The following INA variants were observed in gnomAD, a reference collection of about 807,000 sequenced individuals.
INA encodes internexin neuronal intermediate filament protein alpha.
INA carries 35 observed loss-of-function variants against 40.1 expected under a neutral mutation model. The ratio of observed to expected loss-of-function variants is 0.87; its 90% CI spans 0.67 to 1.16. INA has a LOEUF of 1.16. Ranked by LOEUF, INA falls within the 50% of genes most tolerant of loss-of-function variation. The pLI, the probability that INA is intolerant of heterozygous loss-of-function variation, is 0.00. For missense variants in INA, 594 were observed against 686.7 expected (o/e 0.87, Z 1.51); for synonymous variants, 290 against 316.9 (o/e 0.92, Z 0.90).
In INA at chr10:103,288,345, C is replaced by CT; in HGVS notation, c.1191-14dup. The stretch of plus-strand genomic sequence containing the variant: ...TTATTGACTTCCTAAGAGTTTTTCT[C>CT]TGTTGAATTTACAGGAAACTGCTGG... On this transcript the variant is annotated splice_polypyrimidine_tract_variant and intron_variant, in intron 2 of 2. Transcript: ENST00000369849. 6.3e-7 allele frequency: 1 copy of CT among 1,575,340 alleles called. No homozygotes were observed. Among genetic ancestry groups the CT allele is most frequent in the South Asian group, 1.2e-5 (1 of 85,838 alleles).
In INA at chr10:103,278,557, C is replaced by T. The variant is rs1182368431; in HGVS notation, c.1065+281C>T. ...CTCTGCCTGTCTGTCAGCAAGCGGG[C>T]CTACACACACCGGCGACCCGGAGAA... On this transcript the variant is annotated intron_variant, in intron 1 of 2. Transcript: ENST00000369849. The surrounding 1 kb of genome is among the most constrained non-coding windows in gnomAD (Gnocchi z 4.9). Among the ~76,000 whole-genome samples the T allele has an allele frequency of 6.6e-6, 1 of 152,188 alleles. No homozygotes were observed. The highest frequency in any genetic ancestry group is 1.5e-5 in the Non-Finnish European group (1 of 68,038).
Position 103,277,442 on chromosome 10 carries a change from G to C in INA, c.231G>C (p.Leu77=), listed in dbSNP as rs201476129. The change falls in exon 1 of 3, where the codon CTG becomes CTC. Residue 77 remains leucine, a synonymous_variant. Transcript: ENST00000369849. The surrounding 1 kb of genome is among the most constrained non-coding windows in gnomAD (Gnocchi z 5.6). ...RRPPASDGLD[L]SQAAARTNEY... is the part of the protein sequence containing the mutation. ...CGCCGGCGTCCGACGGGCTGGACCT[G>C]AGCCAGGCGGCGGCGCGCACCAACG... 2.5e-6 allele frequency: 4 copies of C among 1,573,310 alleles called. No individual in the cohort carries two copies. The highest frequency in any genetic ancestry group is 3.4e-6 in the Non-Finnish European group (4 of 1,164,082).
intron 1 of INA, among the ~76,000 whole-genome samples, chr10:103,284,644 C>G (rs2093080970): frequency 6.6e-6 from 1 of 151,834 alleles, no homozygotes; most frequent in Non-Finnish European, 1.5e-5. Flanking sequence ...ATCCCAGCTA[C>G]TCAGGAGGCT....
chr10:103,286,421 T>C (rs188660740), intron 1 of INA, among the ~76,000 whole-genome samples: 10 of 151,490 alleles, frequency 6.6e-5, no homozygotes, highest in African/African-American at 1.9e-4. Context: ...TTCTCTTCCA[T>C]GCCTCGGTGT....
intron 1 of INA, among the ~76,000 whole-genome samples, chr10:103,282,196 A>G (rs1215337494): frequency 2.0e-5 from 3 of 152,250 alleles, no homozygotes; most frequent in South Asian, 2.1e-4. Context: ...AATCTGCAAC[A>G]TAGAAGTTCA....
intron 1 of INA, among the ~76,000 whole-genome samples, chr10:103,279,216 A>T (rs1277182085): frequency 6.6e-6 from 1 of 152,232 alleles, no homozygotes; most frequent in African/African-American, 2.4e-5. Context: ...TTAGCACTAA[A>T]CAAAAAACAC....
Position 103,290,218 on chromosome 10 carries a change from A to G in INA, c.*1549A>G, listed in dbSNP as rs963689604. Reference sequence around the variant, plus strand: ...TTACTGAACTTTCTTATCCTAGCACATGCTTCAATAGTTCAAGGAACTTGA... The same window carrying G: ...TTACTGAACTTTCTTATCCTAGCACGTGCTTCAATAGTTCAAGGAACTTGA... On this transcript the variant is annotated 3_prime_UTR_variant, in exon 3 of 3. Transcript: ENST00000369849. 1.3e-5 allele frequency: 2 copies of G among 152,630 alleles called. No homozygotes were observed. Among genetic ancestry groups the G allele is most frequent in the Non-Finnish European group, 2.9e-5 (2 of 68,042 alleles). The allele number at this position is 152,630 out of a possible 1,614,324, so 9.5% of individuals were successfully genotyped here.
rs1327506640 is a variant in INA, at chr10:103,289,452, CTT to C, written c.*785_*786del. ...TAAAATAATGCAAAGAATCCCTAGACTTTAGGCTTTCAGCTTACACAAATCTA... is the reference window on the plus strand; with the variant it reads ...TAAAATAATGCAAAGAATCCCTAGACTAGGCTTTCAGCTTACACAAATCTA... On this transcript the variant is annotated 3_prime_UTR_variant, in exon 3 of 3. Transcript: ENST00000369849. 2.0e-5 allele frequency: 3 copies of C among 152,602 alleles called. No individual in the cohort carries two copies. The highest frequency in any genetic ancestry group is 6.5e-5 in the Admixed American group (1 of 15,272). The allele number at this position is 152,602 out of a possible 1,614,324, so 9.5% of individuals were successfully genotyped here.
intron 1 of INA, among the ~76,000 whole-genome samples, chr10:103,286,490 A>G (rs1166566844): frequency 1.3e-5 from 2 of 152,108 alleles, no homozygotes; most frequent in South Asian, 2.1e-4. Context: ...AAATGCTCTC[A>G]GTAAAGTGAC....
rs750763765 is a variant in INA at position 103,288,532 on chromosome 10, G to C, written c.1363G>C (p.Ala455Pro). The part of the protein sequence containing the change: ...SLKKEEEEEE[A>P]SKVASKKTSQ... Reference sequence around the variant, plus strand: ...TAAGAAAGAGGAGGAGGAGGAGGAGGCATCTAAGGTAGCCTCTAAGAAAAC... The same window carrying C: ...TAAGAAAGAGGAGGAGGAGGAGGAGCCATCTAAGGTAGCCTCTAAGAAAAC... The change falls in exon 3 of 3, where the codon GCA (alanine) becomes CCA (proline). Residue 455 changes from alanine to proline, a missense_variant. This residue lies in a region of INA where 379 missense variants were observed against 496.1 expected (regional missense o/e 0.76). Coordinates refer to ENST00000369849, the MANE Select transcript of INA (RefSeq NM_032727.4). The C allele has an allele frequency of 3.7e-6, 6 of 1,613,644 alleles. No individual in the cohort carries two copies. In the African/African-American group the frequency reaches 8.0e-5, roughly 22 times the overall value.
At chr10:103,281,280 T>G (rs1049443375) in intron 1 of INA, among the ~76,000 whole-genome samples, 1 of 152,194 alleles carries the variant, frequency 6.6e-6, no homozygotes, top group South Asian at 2.1e-4. Flanking sequence ...GCTACCATGA[T>G]AGCATCTTTA....
Position 103,277,504 on chromosome 10 carries a change from T to G in INA, c.293T>G (p.Leu98Arg). The G allele has an allele frequency of 6.3e-7, 1 of 1,589,048 alleles. No homozygotes were observed. Among genetic ancestry groups the G allele is most frequent in the Non-Finnish European group, 8.5e-7 (1 of 1,171,086 alleles). The part of the protein sequence containing the change: ...KIIRTNEKEQ[L>R]QGLNDRFAVF... The stretch of plus-strand genomic sequence containing the variant: ...ATCCGCACCAACGAGAAGGAGCAGC[T>G]GCAGGGCCTCAACGACCGCTTCGCC... Residue 98 changes from leucine (L) to arginine (R), a missense_variant, in exon 1 of 3, where the codon CTG becomes CGG. Leu to Arg is a moderately radical substitution (Grantham distance 102, BLOSUM62 -2). Transcript: ENST00000369849. The surrounding 1 kb of genome is among the most constrained non-coding windows in gnomAD (Gnocchi z 5.6).
intron 1 of INA, among the ~76,000 whole-genome samples, chr10:103,281,081 TAATTA>T (rs1007610470): frequency 1.3e-5 from 2 of 152,176 alleles, no homozygotes; most frequent in African/African-American, 4.8e-5. Flanking sequence ...GAGTACAGCC[TAATTA>T]AATAGCAGGA....
intron 1 of INA, among the ~76,000 whole-genome samples, chr10:103,285,706 C>G (rs914647310): frequency 6.6e-6 from 1 of 151,304 alleles, no homozygotes; most frequent in East Asian, 1.9e-4. Flanking sequence ...CAACCTCCCC[C>G]TCCTGGGTTC....
chr10:103,288,758 C>T lies in INA; in HGVS notation c.*89C>T, dbSNP rs2093092748. 1.3e-6 allele frequency: 1 copy of T among 789,756 alleles called. No individual in the cohort carries two copies. Among genetic ancestry groups the T allele is most frequent in the Non-Finnish European group, 2.0e-6 (1 of 495,046 alleles). The allele number at this position is 789,756 out of a possible 1,614,324, so 48.9% of individuals were successfully genotyped here. On this transcript the variant is annotated 3_prime_UTR_variant, in exon 3 of 3. Transcript: ENST00000369849. ...CCTATTCCTGAACTATAACACCTGCCACCACTATAAAATGTCTTCAAGGCT... is the reference window on the plus strand; with the variant it reads ...CCTATTCCTGAACTATAACACCTGCTACCACTATAAAATGTCTTCAAGGCT...
In INA at chr10:103,288,638, A is replaced by G; in HGVS notation, c.1469A>G (p.Glu490Gly). ...AAGAAAACCGAGAAATCAAATATAG[A>G]AGAAACCACCATTTCAAGCCAAAAA... ...STKKTEKSNI[E>G]ETTISSQKI The change falls in exon 3 of 3, where the codon GAA (glutamate) becomes GGA (glycine). Residue 490 changes from glutamate (E) to glycine (G), a missense_variant. Glu to Gly is a moderately conservative substitution (Grantham distance 98, BLOSUM62 -2). Coordinates refer to ENST00000369849, the MANE Select transcript of INA (RefSeq NM_032727.4). 1 of 1,585,290 alleles carries G rather than the reference A, an allele frequency of 6.3e-7. No individual in the cohort carries two copies. Among genetic ancestry groups the G allele is most frequent in the South Asian group, 1.2e-5 (1 of 86,256 alleles).
rs1420906941 is a variant in INA at position 103,289,725 on chromosome 10, G to T, written c.*1056G>T. The T allele has an allele frequency of 6.6e-6, 1 of 152,116 alleles. No homozygotes were observed. The highest frequency in any genetic ancestry group is 1.5e-5 in the Non-Finnish European group (1 of 68,020). The allele number at this position is 152,116 out of a possible 1,614,324, so 9.4% of individuals were successfully genotyped here. A position where few individuals can be genotyped will look rare whatever the true frequency, so the allele number is the denominator to read the frequency against. ...CGTATTCCCCTTCCCACTAGCCTAG[G>T]TCATAAAGAGGCGTTGCTTTCACTC... On this transcript the variant is annotated 3_prime_UTR_variant, in exon 3 of 3. Coordinates refer to ENST00000369849, the MANE Select transcript of INA (RefSeq NM_032727.4).
chr10:103,289,583 G>T lies in INA; in HGVS notation c.*914G>T, dbSNP rs980376393. 1 of 152,640 alleles carries T rather than the reference G, an allele frequency of 6.6e-6. No homozygotes were observed. The highest frequency in any genetic ancestry group is 1.5e-5 in the Non-Finnish European group (1 of 68,028). The allele number at this position is 152,640 out of a possible 1,614,324, so 9.5% of individuals were successfully genotyped here. A position where few individuals can be genotyped will look rare whatever the true frequency, so the allele number is the denominator to read the frequency against. The stretch of plus-strand genomic sequence containing the variant: ...TGAAGCCGACCTTAGATTTAGTAGT[G>T]TAAGCTAGAAGAAGTGAGTGTTTCT... On this transcript the variant is annotated 3_prime_UTR_variant, in exon 3 of 3. Coordinates refer to ENST00000369849, the MANE Select transcript of INA (RefSeq NM_032727.4).
chr10:103,284,239 C>G (rs1053449846), intron 1 of INA, among the ~76,000 whole-genome samples: 1 of 152,026 alleles, frequency 6.6e-6, no homozygotes, highest in Non-Finnish European at 1.5e-5. Context: ...TCAAGTGATT[C>G]GCCTGCCTCA....
Sources: gnomAD v4.1 joint callset for allele counts (sites outside exome capture counted in the v4.1 genomes callset) on GRCh38, gnomAD v4.1.1 for gene constraint, gnomAD v4.1.1 regional missense constraint, Gnocchi (gnomAD v3.1) non-coding constraint, MANE v1.5 for transcripts, NCBI Gene and HGNC (gene_info 2026-07-23, HGNC 2026-07-21) for gene names.